The following PIGK variants were observed in gnomAD, a reference collection of about 807,000 sequenced individuals.
The protein encoded by PIGK is phosphatidylinositol glycan anchor biosynthesis class K, also known as GPI-anchor transamidase.
PIGK carries 42 observed loss-of-function variants against 50.6 expected under a neutral mutation model. The ratio of observed to expected loss-of-function variants is 0.83; its 90% confidence interval spans 0.65 to 1.07. The LOEUF (loss-of-function observed/expected upper bound fraction) is 1.07, where lower values mean the gene tolerates loss of function less well. Ranked by LOEUF, PIGK falls within the 50% of genes least tolerant of loss-of-function variation. PIGK has a pLI of 0.00. For synonymous variants in PIGK, 151 were observed against 156.0 expected, an observed-to-expected ratio of 0.97 and a Z score of 0.24; for missense variants, 448 against 488.7, an observed-to-expected ratio of 0.92 and a Z score of 0.78.
intron 3 of PIGK, among the ~76,000 whole-genome samples, chr1:77,201,565 G>C (rs150052979): frequency 2.3e-3 from 343 of 152,124 alleles, no homozygotes; most frequent in African/African-American, 7.8e-3. Flanking sequence ...TGTGAGACCA[G>C]CCTGGCCAAC....
intron 3 of PIGK, among the ~76,000 whole-genome samples, chr1:77,204,849 A>C (rs1356797759): frequency 6.6e-6 from 1 of 152,174 alleles, no homozygotes; most frequent in Admixed American, 6.5e-5. Flanking sequence ...TCATACATTT[A>C]TTTATTTACC....
chr1:77,155,363 C>CAT lies in PIGK; in HGVS notation c.814-744_814-743dup, dbSNP rs1654984861. 2.0e-5 allele frequency among the ~76,000 whole-genome samples: 3 copies of CAT among 152,312 alleles called. No individual in the cohort carries two copies. The South Asian group carries it at 6.2e-4, about 32-fold the overall frequency. ...ATGTCAGTGAATTACCAAGGACAGA[C>CAT]ATATATTCACTCACTCAGCAAAGCA... On this transcript the variant is annotated intron_variant, in intron 8 of 10. Transcript: ENST00000370812.
chr1:77,159,060 A>T (rs1193779647), intron 8 of PIGK, among the ~76,000 whole-genome samples: 1 of 152,116 alleles, frequency 6.6e-6, no homozygotes, highest in African/African-American at 2.4e-5. Flanking sequence ...AGGCCTGTGG[A>T]TAAAATGATT....
intron 3 of PIGK, among the ~76,000 whole-genome samples, chr1:77,171,602 C>T (rs1030170811): frequency 6.6e-6 from 1 of 151,936 alleles, no homozygotes; most frequent in Non-Finnish European, 1.5e-5. Context: ...ATGTAATCAA[C>T]ATTTCTCTTA....
intron 4 of PIGK, among the ~76,000 whole-genome samples, chr1:77,168,277 A>C (rs1396241102): frequency 6.6e-6 from 1 of 152,210 alleles, no homozygotes; most frequent in Non-Finnish European, 1.5e-5. Flanking sequence ...TAAAAAGTAG[A>C]AAATCTATCC....
At chr1:77,190,957 G>A (rs1324735537) in intron 3 of PIGK, among the ~76,000 whole-genome samples, 1 of 152,156 alleles carries the variant, frequency 6.6e-6, no homozygotes, top group Non-Finnish European at 1.5e-5. Flanking sequence ...AAACAGCACA[G>A]CCACCTCACC....
At chr1:77,138,151 A>C (rs839821) in intron 9 of PIGK, among the ~76,000 whole-genome samples, 11,825 of 152,226 alleles carry the variant, frequency 0.078, 625 homozygotes, top group South Asian at 0.21. Context: ...GTTATATGAC[A>C]AAAGTGAGGG....
chr1:77,189,368 T>C (rs1414094321), intron 3 of PIGK, among the ~76,000 whole-genome samples: 1 of 152,138 alleles, frequency 6.6e-6, no homozygotes, highest in African/African-American at 2.4e-5. Flanking sequence ...ATGCAAAGTA[T>C]TGGTCCTGGG....
At chr1:77,124,255 C>T (rs1654175259) in intron 9 of PIGK, among the ~76,000 whole-genome samples, 1 of 152,004 alleles carries the variant, frequency 6.6e-6, no homozygotes, top group African/African-American at 2.4e-5. Context: ...AAAAAAAACA[C>T]AACTTGCTTT....
intron 9 of PIGK, among the ~76,000 whole-genome samples, chr1:77,133,046 G>A (rs951561399): frequency 1.3e-5 from 2 of 152,016 alleles, no homozygotes; most frequent in Admixed American, 6.5e-5. Context: ...TATGTGGTCC[G>A]ATATATTTCA....
At chr1:77,186,326 G>C (rs964297747) in intron 3 of PIGK, among the ~76,000 whole-genome samples, 1 of 152,232 alleles carries the variant, frequency 6.6e-6, no homozygotes, top group Non-Finnish European at 1.5e-5. Flanking sequence ...ATCCCTGAAG[G>C]ACAGCGGTAA....
rs550040932 is a variant in PIGK at position 77,133,872 on chromosome 1, A to G, written c.987-11513T>C. Among the ~76,000 whole-genome samples the G allele has an allele frequency of 1.2e-4, 18 of 152,184 alleles. No individual in the cohort carries two copies. The South Asian group carries it at 1.9e-3, about 16-fold the overall frequency. The stretch of plus-strand genomic sequence containing the variant: ...GGTTTCTGACTTACATTTTTGGACT[A>G]TTGTCCTGCACAGCTTAAGAATTTG... On this transcript the variant is annotated intron_variant, in intron 9 of 10. Coordinates refer to ENST00000370812, the MANE Select transcript of PIGK (RefSeq NM_005482.3).
At chr1:77,172,687 G>A (rs775622740) in intron 3 of PIGK, among the ~76,000 whole-genome samples, 8 of 152,270 alleles carry the variant, frequency 5.3e-5, no homozygotes, top group Non-Finnish European at 1.0e-4. Flanking sequence ...ATGTTGGGAG[G>A]TGGAGGAGGG....
At chr1:77,182,115 T>A (rs919505339) in intron 3 of PIGK, among the ~76,000 whole-genome samples, 2 of 152,232 alleles carry the variant, frequency 1.3e-5, no homozygotes, top group African/African-American at 4.8e-5. Flanking sequence ...TAAGCAGACA[T>A]GTTATCACAG....
At chr1:77,209,202 T>C (rs563466842) in intron 2 of PIGK, among the ~76,000 whole-genome samples, 10 of 152,276 alleles carry the variant, frequency 6.6e-5, no homozygotes, top group Non-Finnish European at 1.3e-4. Context: ...GTCAACATTA[T>C]ATTTTCTAAT....
At position 77,107,704 on chromosome 1, in the gene PIGK, T is replaced by C. The variant is rs1254983064; in HGVS notation, c.1071+14571A>G. Among the ~76,000 whole-genome samples the C allele has an allele frequency of 5.9e-5, 9 of 152,258 alleles. No individual in the cohort carries two copies. In the East Asian group the frequency reaches 1.5e-3, roughly 26 times the overall value. On this transcript the variant is annotated intron_variant, in intron 10 of 10. Transcript: ENST00000370812. ...GACAGTGGGGTGTTAAAGTCTCCCATTATTATTGTGTGGGAGTCTAAGTCT... is the reference window on the plus strand; with the variant it reads ...GACAGTGGGGTGTTAAAGTCTCCCACTATTATTGTGTGGGAGTCTAAGTCT...
intron 10 of PIGK, among the ~76,000 whole-genome samples, chr1:77,097,646 A>ATC (rs1653448772): frequency 6.6e-6 from 1 of 152,176 alleles, no homozygotes; most frequent in Admixed American, 6.5e-5. Flanking sequence ...ATTAGTTAAC[A>ATC]TTACTCTGGA....
intron 10 of PIGK, among the ~76,000 whole-genome samples, chr1:77,097,779 G>A (rs1653452432): frequency 6.6e-6 from 1 of 151,654 alleles, no homozygotes; most frequent in Non-Finnish European, 1.5e-5. Context: ...GAGAATAAAG[G>A]GCTCGGATTT....
chr1:77,192,099 C>T (rs1655921959), intron 3 of PIGK, among the ~76,000 whole-genome samples: 1 of 151,496 alleles, frequency 6.6e-6, no homozygotes, highest in Non-Finnish European at 1.5e-5. Flanking sequence ...CGCGCCACTG[C>T]ATTCTAGCCT....
Sources: gnomAD v4.1 joint callset for allele counts (sites outside exome capture counted in the v4.1 genomes callset) on GRCh38, gnomAD v4.1.1 for gene constraint, MANE v1.5 for transcripts, NCBI Gene and HGNC (gene_info 2026-07-23, HGNC 2026-07-21) for gene names.